Variants in PCDHGB5 observed in about 807,000 individuals in gnomAD.
PCDHGB5 encodes protocadherin gamma subfamily B, 5, also known as protocadherin gamma-B5.
A neutral mutation model predicts 62.9 loss-of-function variants in PCDHGB5; 48 were observed. That is an observed-to-expected ratio of 0.76 (90% CI 0.61 to 0.97). PCDHGB5 has a LOEUF of 0.97. PCDHGB5 is among the 50% of genes least tolerant of loss of function. The pLI is 0.00. For synonymous variants in PCDHGB5, 474 were observed against 511.2 expected, an observed-to-expected ratio of 0.93 and a Z score of 0.98; for missense variants, 1,118 against 1,198.6, an observed-to-expected ratio of 0.93 and a Z score of 0.99.
At chr5:141,450,836 T>A (rs991599340) in intron 1 of PCDHGB5, among the ~76,000 whole-genome samples, 2 of 149,760 alleles carry the variant, frequency 1.3e-5, no homozygotes, top group African/African-American at 4.9e-5. Flanking sequence ...ATTATTTTTT[T>A]TTTTTTGAGA....
intron 1 of PCDHGB5, chr5:141,422,655 C>G (rs188587553): frequency 1.2e-6 from 2 of 1,610,122 alleles, no homozygotes; most frequent in South Asian, 2.2e-5. Context: ...TCTCAGTGAC[C>G]GCCCTCGACC....
chr5:141,410,318 G>C, intron 1 of PCDHGB5: 6 of 1,613,982 alleles, frequency 3.7e-6, no homozygotes, highest in Non-Finnish European at 5.1e-6. Context: ...CTTCCTCCTC[G>C]CCGTGATTCT....
chr5:141,430,837 C>T (rs1350348914), intron 1 of PCDHGB5: 4 of 1,559,956 alleles, frequency 2.6e-6, no homozygotes, highest in South Asian at 2.5e-5. Context: ...TGTGGGAGAC[C>T]GGATGCACCC....
intron 1 of PCDHGB5, chr5:141,478,479 C>T (rs750055106): frequency 1.9e-6 from 3 of 1,613,550 alleles, no homozygotes; most frequent in Admixed American, 1.7e-5. Context: ...CGCCAGAACA[C>T]GCTGCGGAGC....
chr5:141,400,220 T>C lies in PCDHGB5; in HGVS notation c.2093T>C (p.Leu698Pro). 6.2e-7 allele frequency: 1 copy of C among 1,614,006 alleles called. No individual in the cohort carries two copies. ...GTGGCCTTGGCCTTGATCTCAGTGC[T>C]CTTCCTCCTGGCCGTGATTCTGGCC... ...LVVALALISV[L>P]FLLAVILAVA... Residue 698 changes from leucine (L) to proline (P), a missense_variant, in exon 1 of 4, where the codon CTC (leucine) becomes CCC (proline). Transcript: ENST00000617380.
At position 141,490,341 on chromosome 5, in the gene PCDHGB5, A is replaced by C. The variant is rs778299384; in HGVS notation, c.2398-4466A>C. ...TCCTAGAGAGCACACCAGTGGGCACAGTAGTGGGGTTGTTTAATGTGCGAG... is the reference window on the plus strand; with the variant it reads ...TCCTAGAGAGCACACCAGTGGGCACCGTAGTGGGGTTGTTTAATGTGCGAG... On this transcript the variant is annotated intron_variant, in intron 1 of 3. Coordinates refer to ENST00000617380, the MANE Select transcript of PCDHGB5 (RefSeq NM_018925.3). This position sits in a 1 kb window ranked among gnomAD's most constrained non-coding sequence, Gnocchi z 5.4. The C allele has an allele frequency of 5.0e-6, 8 of 1,614,204 alleles. No homozygotes were observed. The South Asian group carries it at 8.8e-5, about 18-fold the overall frequency.
At chr5:141,447,696 G>A (rs1273958794) in intron 1 of PCDHGB5, among the ~76,000 whole-genome samples, 1 of 152,096 alleles carries the variant, frequency 6.6e-6, no homozygotes, top group Non-Finnish European at 1.5e-5. Context: ...TAGAGGGATG[G>A]GTTATAAGGA....
chr5:141,399,252 TG>T lies in PCDHGB5; in HGVS notation c.1129del (p.Glu377ArgfsTer25). 1 of 1,613,778 alleles carries T rather than the reference TG, an allele frequency of 6.2e-7. No individual in the cohort carries two copies. The highest frequency in any genetic ancestry group is 8.5e-7 in the Non-Finnish European group (1 of 1,179,838). Reference protein sequence around the residue: ...KIHDQDSGENGEVNCQLQGEV... With the variant: ...KIHDQDSGENXEVNCQLQGEV... The stretch of plus-strand genomic sequence containing the variant: ...TACATGACCAAGATTCTGGGGAAAA[TG>T]GGGAGGTTAATTGTCAATTACAAGG... On this transcript the variant is annotated frameshift_variant, in exon 1 of 4. Coordinates refer to ENST00000617380, the MANE Select transcript of PCDHGB5 (RefSeq NM_018925.3). LOFTEE classifies it high-confidence loss of function.
chr5:141,423,672 T>A, intron 1 of PCDHGB5: 2 of 1,549,982 alleles, frequency 1.3e-6, no homozygotes, highest in Non-Finnish European at 1.7e-6. Context: ...TGAGATTTAT[T>A]TCTCTGCCTC....
At chr5:141,494,926 G>C in intron 2 of PCDHGB5, 61 bp downstream of exon 2, 2 of 1,613,498 alleles carry the variant, frequency 1.2e-6, no homozygotes, top group Non-Finnish European at 1.7e-6. Context: ...GGATGACGTG[G>C]GAGGAGATGG....
At position 141,494,824 on chromosome 5, in the gene PCDHGB5, G is replaced by C; in HGVS notation, c.2415G>C (p.Thr805=). 6.2e-7 allele frequency: 1 copy of C among 1,614,042 alleles called. No individual in the cohort carries two copies. Among genetic ancestry groups the C allele is most frequent in the East Asian group, 2.2e-5 (1 of 44,866 alleles). The change falls in exon 2 of 4, where the codon ACG becomes ACC. Residue 805 remains threonine, a synonymous_variant. Transcript: ENST00000617380. The part of the protein sequence containing the change: ...SHPELQAPPN[T]DWRFSQAQRP... ...CTCCACAGCAAGCCCCGCCCAACAC[G>C]GACTGGCGTTTCTCTCAGGCCCAGA...
chr5:141,478,394 G>A, intron 1 of PCDHGB5: 1 of 1,613,586 alleles, frequency 6.2e-7, no homozygotes, highest in Non-Finnish European at 8.5e-7. Context: ...TTACCATCAG[G>A]TGTATCTCAC....
intron 1 of PCDHGB5, among the ~76,000 whole-genome samples, chr5:141,435,043 C>T (rs2097739230): frequency 1.3e-5 from 2 of 151,658 alleles, no homozygotes; most frequent in African/African-American, 2.4e-5. Flanking sequence ...ATTTTTTTCC[C>T]ATTGACCATG....
chr5:141,444,545 CA>C (rs1264288836), intron 1 of PCDHGB5, among the ~76,000 whole-genome samples: 7 of 152,042 alleles, frequency 4.6e-5, no homozygotes, highest in Admixed American at 6.6e-5. Flanking sequence ...GTCTAGTGAG[CA>C]AAAGGCACTT....
At chr5:141,421,252 G>A in intron 1 of PCDHGB5, 1 of 1,607,158 alleles carries the variant, frequency 6.2e-7, no homozygotes, top group Non-Finnish European at 8.5e-7. Context: ...ACAGCGCGGG[G>A]ACCGCAGTCG....
Position 141,432,076 on chromosome 5 carries a change from G to T in PCDHGB5, c.2397+31552G>T. ...CCCTATCCACGGAAACTCATATCTC[G>T]CTGAACGTGGCAGACACCAACGACA... On this transcript the variant is annotated intron_variant, in intron 1 of 3. Transcript: ENST00000617380. This position sits in a 1 kb window ranked among gnomAD's most constrained non-coding sequence, Gnocchi z 6.0. 1.2e-6 allele frequency: 2 copies of T among 1,614,160 alleles called. No homozygotes were observed. Among genetic ancestry groups the T allele is most frequent in the Non-Finnish European group, 1.7e-6 (2 of 1,180,024 alleles).
At position 141,431,897 on chromosome 5, in the gene PCDHGB5, G is replaced by C. The variant is rs1591112104; in HGVS notation, c.2397+31373G>C. 6.2e-7 allele frequency: 1 copy of C among 1,613,830 alleles called. No homozygotes were observed. The highest frequency in any genetic ancestry group is 8.5e-7 in the Non-Finnish European group (1 of 1,179,704). ...AAATGACCAAGATTCTGAGGAAAAC[G>C]GACAGGTGATCTGTTTCATCCAAGG... On this transcript the variant is annotated intron_variant, in intron 1 of 3. Coordinates refer to ENST00000617380, the MANE Select transcript of PCDHGB5 (RefSeq NM_018925.3). The surrounding 1 kb of genome is among the most constrained non-coding windows in gnomAD (Gnocchi z 4.8).
Position 141,511,319 on chromosome 5 carries a change from C to A in PCDHGB5, c.*146C>A. On this transcript the variant is annotated 3_prime_UTR_variant, in exon 4 of 4. Coordinates refer to ENST00000617380, the MANE Select transcript of PCDHGB5 (RefSeq NM_018925.3). ...CCATGCTCCCCTTGGGAAACAGAAA[C>A]AAGTGCCCAGTCAGCACCTACCCCT... is the stretch of plus-strand genomic sequence containing the variant. 6.8e-7 allele frequency: 1 copy of A among 1,477,420 alleles called. No homozygotes were observed. The highest frequency in any genetic ancestry group is 9.0e-7 in the Non-Finnish European group (1 of 1,108,340). 91.5% of individuals were successfully genotyped at this position (1,477,420 alleles called of 1,614,324 possible).
At chr5:141,444,507 G>C (rs1213059531) in intron 1 of PCDHGB5, among the ~76,000 whole-genome samples, 1 of 152,068 alleles carries the variant, frequency 6.6e-6, no homozygotes, top group Non-Finnish European at 1.5e-5. Context: ...CTTTGCTCTA[G>C]CAGTATAGTA....
Sources: allele counts gnomAD v4.1 joint callset (sites outside exome capture counted in the v4.1 genomes callset), GRCh38; gene constraint gnomAD v4.1.1; non-coding constraint Gnocchi (gnomAD v3.1); transcripts MANE v1.5; gene names NCBI Gene and HGNC (gene_info 2026-07-23, HGNC 2026-07-21).